Variants in TMEM62 observed in about 807,000 individuals in gnomAD.
The protein encoded by TMEM62 is transmembrane protein 62.
In TMEM62, 41 loss-of-function variants were observed where a neutral mutation model predicts 70.4. The ratio of observed to expected loss-of-function variants is 0.58; its 90% CI spans 0.45 to 0.76. TMEM62 has a LOEUF of 0.76. TMEM62 is among the 30% of genes least tolerant of loss of function. The probability of loss-of-function intolerance (pLI) is 0.00; values close to 1 mark genes in which losing one functional copy is unlikely to be tolerated. For missense variants in TMEM62, 688 were observed against 788.5 expected, an observed-to-expected ratio of 0.87 and a Z score of 1.53; for synonymous variants, 268 against 291.0, an observed-to-expected ratio of 0.92 and a Z score of 0.80.
intron 10 of TMEM62, among the ~76,000 whole-genome samples, chr15:43,165,535 C>G: frequency 6.6e-6 from 1 of 151,960 alleles, no homozygotes; most frequent in Non-Finnish European, 1.5e-5. Context: ...AGATAGAGAA[C>G]ATCCTGGCTA....
rs1032350931 is a variant in TMEM62, at chr15:43,146,434, G to A, written c.477-59G>A. The A allele has an allele frequency of 4.2e-5, 64 of 1,515,376 alleles. No homozygotes were observed. The African/African-American group carries it at 8.1e-4, about 19-fold the overall frequency. The allele number at this position is 1,515,376 out of a possible 1,614,324, so 93.9% of individuals were successfully genotyped here. A position where few individuals can be genotyped will look rare whatever the true frequency, so the allele number is the denominator to read the frequency against. Reference sequence around the variant, plus strand: ...AGGTAAAATCTAGCGTATTAGGGAAGGAATTTTAAAGCATTGTCTTTTTAT... The same window carrying A: ...AGGTAAAATCTAGCGTATTAGGGAAAGAATTTTAAAGCATTGTCTTTTTAT... On this transcript the variant is annotated intron_variant, in intron 4 of 13. Transcript: ENST00000260403.
chr15:43,138,725 G>A (rs2035588278), intron 4 of TMEM62, 106 bp downstream of exon 4: 1 of 963,516 alleles, frequency 1.0e-6, no homozygotes, highest in Non-Finnish European at 1.6e-6. Flanking sequence ...ATTTTAAGAG[G>A]CAGGGGTCTC....
At chr15:43,158,640 C>T (rs1338855553) in intron 9 of TMEM62, among the ~76,000 whole-genome samples, 1 of 152,168 alleles carries the variant, frequency 6.6e-6, no homozygotes, top group Non-Finnish European at 1.5e-5. Flanking sequence ...GTGATATTCA[C>T]ATTTTCTTTC....
chr15:43,177,782 G>A (rs1001389241), intron 11 of TMEM62, among the ~76,000 whole-genome samples: 15 of 151,848 alleles, frequency 9.9e-5, no homozygotes, highest in East Asian at 5.8e-4. Context: ...CTCACTCATC[G>A]GTGGGAATTG....
rs1441269632 is a variant in TMEM62, at chr15:43,133,848, G to A, written c.46G>A (p.Ala16Thr). Residue 16 changes from alanine (A) to threonine (T), a missense_variant, in exon 1 of 14, where the codon GCA becomes ACA. Transcript: ENST00000260403. Reference sequence around the variant, plus strand: ...CAGGGTGGTCGCGGGGTTGGCGGCCGCAGCGCTGGTGGCCATGCTCTTGGA... The same window carrying A: ...CAGGGTGGTCGCGGGGTTGGCGGCCACAGCGCTGGTGGCCATGCTCTTGGA... ...ALRVVAGLAA[A>T]ALVAMLLEHY... 1 of 1,464,516 alleles carries A rather than the reference G, an allele frequency of 6.8e-7. No homozygotes were observed. The highest frequency in any genetic ancestry group is 9.0e-7 in the Non-Finnish European group (1 of 1,115,766). 90.7% of individuals were successfully genotyped at this position (1,464,516 alleles called of 1,614,324 possible).
In TMEM62 at chr15:43,133,680, G is replaced by A; in HGVS notation, c.-123G>A. ...TGGCTCCAGCCCCGCATCCGGCGCC[G>A]GCCCCGCATCCAGCTCTGGCCCTGC... On this transcript the variant is annotated 5_prime_UTR_variant, in exon 1 of 14. Coordinates refer to ENST00000260403, the MANE Select transcript of TMEM62 (RefSeq NM_024956.4). The A allele has an allele frequency of 1.5e-6, 1 of 688,900 alleles. No homozygotes were observed. Among genetic ancestry groups the A allele is most frequent in the South Asian group, 5.9e-5 (1 of 17,020 alleles). 42.7% of individuals were successfully genotyped at this position (688,900 alleles called of 1,614,324 possible).
At chr15:43,181,405 C>G in intron 13 of TMEM62, 106 bp downstream of exon 13, 1 of 740,368 alleles carries the variant, frequency 1.4e-6, no homozygotes, top group Non-Finnish European at 2.3e-6. Flanking sequence ...CATAGATCAT[C>G]TTTCCTACTT....
intron 4 of TMEM62, among the ~76,000 whole-genome samples, chr15:43,143,374 T>G (rs2036294346): frequency 6.6e-6 from 1 of 152,220 alleles, no homozygotes; most frequent in African/African-American, 2.4e-5. Flanking sequence ...AAACATAACT[T>G]TCATACACAC....
intron 4 of TMEM62, 176 bp from the exon 5 acceptor site, chr15:43,146,317 T>G: frequency 1.8e-6 from 1 of 562,488 alleles, no homozygotes; most frequent in Non-Finnish European, 3.0e-6. Context: ...TTGGGGACAA[T>G]GGGAGAAAAA....
intron 8 of TMEM62, among the ~76,000 whole-genome samples, chr15:43,152,947 G>A (rs2037578744): frequency 6.6e-6 from 1 of 152,098 alleles, no homozygotes; most frequent in Non-Finnish European, 1.5e-5. Flanking sequence ...CTCTTAAGAT[G>A]TTTTTATATA....
intron 11 of TMEM62, among the ~76,000 whole-genome samples, chr15:43,174,032 GTATTTT>G (rs1053724578): frequency 3.3e-5 from 5 of 151,290 alleles, no homozygotes; most frequent in Admixed American, 3.3e-4. Flanking sequence ...GGTAATTTTT[GTATTTT>G]TTTTTTAGTA....
At chr15:43,134,113 G>C (rs2034823805) in intron 1 of TMEM62, 131 bp downstream of exon 1, 3 of 1,450,336 alleles carry the variant, frequency 2.1e-6, no homozygotes, top group African/African-American at 1.4e-5. Context: ...GCTCTGTCTA[G>C]TGCTGGCCCT....
chr15:43,184,653 C>G lies in TMEM62; in HGVS notation c.*67C>G. 1 of 1,434,160 alleles carries G rather than the reference C, an allele frequency of 7.0e-7. No individual in the cohort carries two copies. Among genetic ancestry groups the G allele is most frequent in the Non-Finnish European group, 9.5e-7 (1 of 1,054,930 alleles). The allele number at this position is 1,434,160 out of a possible 1,614,324, so 88.8% of individuals were successfully genotyped here. The stretch of plus-strand genomic sequence containing the variant: ...TCTGTGTCTGTAGCCCAGGCCTCTA[C>G]CCCAGTAGCAGGTGGAGGGCCAGGA... On this transcript the variant is annotated 3_prime_UTR_variant, in exon 14 of 14. Coordinates refer to ENST00000260403, the MANE Select transcript of TMEM62 (RefSeq NM_024956.4).
At chr15:43,151,695 C>T in intron 7 of TMEM62, 95 bp from the exon 8 acceptor site, 1 of 1,067,082 alleles carries the variant, frequency 9.4e-7, no homozygotes, top group Non-Finnish European at 1.3e-6. Context: ...TAAAAAAGTC[C>T]TAGTTATGTA....
At position 43,142,870 on chromosome 15, in the gene TMEM62, A is replaced by G. The variant is rs375335256; in HGVS notation, c.477-3623A>G. Among the ~76,000 whole-genome samples the G allele has an allele frequency of 3.7e-3, 563 of 150,388 alleles. 7 individuals carry two copies. Among genetic ancestry groups the G allele is most frequent in the African/African-American group, 0.013 (534 of 40,866 alleles). On this transcript the variant is annotated intron_variant, in intron 4 of 13. Transcript: ENST00000260403. Reference sequence around the variant, plus strand: ...TTTTTTATAGAGACAGGGTTTCTAAATGTTGCCCAGGCTAGTCTTGAACTC... The same window carrying G: ...TTTTTTATAGAGACAGGGTTTCTAAGTGTTGCCCAGGCTAGTCTTGAACTC...
chr15:43,171,875 C>T (rs1041984129), intron 11 of TMEM62, among the ~76,000 whole-genome samples: 2 of 152,090 alleles, frequency 1.3e-5, no homozygotes, highest in African/African-American at 2.4e-5. Flanking sequence ...GATCCACCCG[C>T]CTCAGCCTCC....
At chr15:43,154,853 A>G in intron 9 of TMEM62, 22 bp downstream of exon 9, 1 of 1,565,962 alleles carries the variant, frequency 6.4e-7, no homozygotes, top group South Asian at 1.2e-5. Context: ...ATTTATATTT[A>G]CTATGTAAAT....
In TMEM62 at chr15:43,133,811, A is replaced by G. The variant is rs376843494; in HGVS notation, c.9A>G (p.Ala3=). 21 of 1,411,974 alleles carry G rather than the reference A, an allele frequency of 1.5e-5. No homozygotes were observed. The East Asian group carries it at 2.1e-4, about 14-fold the overall frequency. 87.5% of individuals were successfully genotyped at this position (1,411,974 alleles called of 1,614,324 possible). ...CCCGGCGGGCGGGCGGCATGGCTGCAGTGCTGGCTCTCAGGGTGGTCGCGG... is the reference window on the plus strand; with the variant it reads ...CCCGGCGGGCGGGCGGCATGGCTGCGGTGCTGGCTCTCAGGGTGGTCGCGG... MA[A]VLALRVVAGL... The change falls in exon 1 of 14, where the codon GCA becomes GCG. Residue 3 remains alanine (A), a synonymous_variant. Coordinates refer to ENST00000260403, the MANE Select transcript of TMEM62 (RefSeq NM_024956.4).
intron 4 of TMEM62, among the ~76,000 whole-genome samples, chr15:43,140,177 C>T (rs1474948850): frequency 2.6e-5 from 4 of 152,166 alleles, no homozygotes; most frequent in African/African-American, 4.8e-5. Context: ...AGATTTTGCG[C>T]GCCAACCCCA....
Sources: allele counts gnomAD v4.1 joint callset (sites outside exome capture counted in the v4.1 genomes callset), GRCh38; gene constraint gnomAD v4.1.1; transcripts MANE v1.5; gene names NCBI Gene and HGNC (gene_info 2026-07-23, HGNC 2026-07-21).